The following SH3GL3 variants were observed in gnomAD, a reference collection of about 807,000 sequenced individuals.
SH3GL3 encodes the protein SH3 domain containing GRB2 like 3, endophilin A3.
A neutral mutation model predicts 47.7 loss-of-function variants in SH3GL3; 33 were observed. The ratio of observed to expected loss-of-function variants is 0.69; its 90% CI spans 0.52 to 0.92. The LOEUF (loss-of-function observed/expected upper bound fraction) is 0.92, where lower values mean the gene tolerates loss of function less well. Ranked by LOEUF, SH3GL3 falls within the 40% of genes least tolerant of loss-of-function variation. The pLI, the probability that SH3GL3 is intolerant of heterozygous loss-of-function variation, is 0.00. For synonymous variants in SH3GL3, 155 were observed against 148.8 expected, an observed-to-expected ratio of 1.04 and a Z score of -0.30; for missense variants, 363 against 417.8, an observed-to-expected ratio of 0.87 and a Z score of 1.14.
In SH3GL3 at chr15:83,576,921, A is replaced by ATTTTTTTTTTTTTTTTTTTT. The variant is rs71156087; in HGVS notation, c.624+194_624+195insTTTTTTTTTTTTTTTTTTTT. ...TGATGAGCTTAAAAAAAAAATCATA[A>ATTTTTTTTTTTTTTTTTTTT]TTTTTTTTTTTTTTGAGACGCTGTC... On this transcript the variant is annotated intron_variant, in intron 6 of 8. Coordinates refer to ENST00000427482, the MANE Select transcript of SH3GL3 (RefSeq NM_003027.5). 4.2e-4 allele frequency among the ~76,000 whole-genome samples: 36 copies of ATTTTTTTTTTTTTTTTTTTT among 86,554 alleles called. 2 individuals are homozygous for ATTTTTTTTTTTTTTTTTTTT. Among genetic ancestry groups the ATTTTTTTTTTTTTTTTTTTT allele is most frequent in the Non-Finnish European group, 4.3e-4 (20 of 46,454 alleles). The allele number at this position is 86,554 out of a possible 152,430, so 56.8% of individuals were successfully genotyped here.
intron 1 of SH3GL3, among the ~76,000 whole-genome samples, chr15:83,467,859 T>G (rs933332028): frequency 2.0e-5 from 3 of 152,260 alleles, no homozygotes; most frequent in East Asian, 3.9e-4. Context: ...ACGGAGTCTC[T>G]CTCTGTCACC....
At chr15:83,495,676 G>A (rs1010126346) in intron 1 of SH3GL3, among the ~76,000 whole-genome samples, 3 of 152,132 alleles carry the variant, frequency 2.0e-5, no homozygotes, top group Non-Finnish European at 4.4e-5. Context: ...GGCGGAGGTT[G>A]CAGTGAGCCA....
chr15:83,591,719 T>A (rs1445355137), intron 8 of SH3GL3, among the ~76,000 whole-genome samples: 8 of 152,222 alleles, frequency 5.3e-5, no homozygotes, highest in African/African-American at 1.4e-4. Flanking sequence ...AAAGTCTTGC[T>A]CTGTCACCCA....
intron 1 of SH3GL3, among the ~76,000 whole-genome samples, chr15:83,514,182 C>T (rs891868048): frequency 1.3e-5 from 2 of 152,166 alleles, no homozygotes; most frequent in South Asian, 2.1e-4. Flanking sequence ...TGAGATGTGA[C>T]ACTCCCCACT....
chr15:83,602,934 T>C (rs1217986803), intron 8 of SH3GL3, among the ~76,000 whole-genome samples: 2 of 152,214 alleles, frequency 1.3e-5, no homozygotes, highest in Admixed American at 1.3e-4. Context: ...CTCAGGGACC[T>C]TGTGGGTTCC....
At chr15:83,523,947 TAAAAAA>T (rs3078535) in intron 1 of SH3GL3, among the ~76,000 whole-genome samples, 4 of 131,894 alleles carry the variant, frequency 3.0e-5, no homozygotes, top group Non-Finnish European at 3.2e-5. Flanking sequence ...TTCAGCAATC[TAAAAAA>T]AAAAAAAAAA....
chr15:83,508,047 T>G (rs1186913802), intron 1 of SH3GL3, among the ~76,000 whole-genome samples: 1 of 151,900 alleles, frequency 6.6e-6, no homozygotes, highest in Non-Finnish European at 1.5e-5. Flanking sequence ...GTTCAAGGGA[T>G]TCTCCTGCCT....
chr15:83,458,755 T>A (rs2040124377), intron 1 of SH3GL3, among the ~76,000 whole-genome samples: 1 of 152,220 alleles, frequency 6.6e-6, no homozygotes, highest in Non-Finnish European at 1.5e-5. Context: ...CTCAGGGACT[T>A]TGCTCTTGTT....
chr15:83,578,744 C>G (rs1472690297), intron 6 of SH3GL3, among the ~76,000 whole-genome samples: 1 of 150,966 alleles, frequency 6.6e-6, no homozygotes, highest in Non-Finnish European at 1.5e-5. Flanking sequence ...GTATAAATTT[C>G]CTCTTGAAAT....
intron 4 of SH3GL3, among the ~76,000 whole-genome samples, chr15:83,571,284 C>T (rs571214627): frequency 2.0e-4 from 31 of 152,304 alleles, no homozygotes; most frequent in African/African-American, 7.2e-4. Context: ...ATGTTTCTGT[C>T]AAGGCGAAAT....
chr15:83,554,581 T>TTTCA (rs746868538), intron 1 of SH3GL3, among the ~76,000 whole-genome samples: 9 of 152,174 alleles, frequency 5.9e-5, no homozygotes, highest in Non-Finnish European at 8.8e-5. Context: ...AGAGACAGGG[T>TTTCA]TTCACCATGT....
At position 83,447,493 on chromosome 15, in the gene SH3GL3, C is replaced by T. The variant is rs2039492476; in HGVS notation, c.-41C>T. Reference sequence around the variant, plus strand: ...GCGCGTCGCGGCCGCGTGGCCCAGCCGAGCCTTGAGACCACCCCGCCCCTG... The same window carrying T: ...GCGCGTCGCGGCCGCGTGGCCCAGCTGAGCCTTGAGACCACCCCGCCCCTG... On this transcript the variant is annotated 5_prime_UTR_variant, in exon 1 of 9. Transcript: ENST00000427482. The surrounding 1 kb of genome is among the most constrained non-coding windows in gnomAD (Gnocchi z 5.1). The T allele has an allele frequency of 2.0e-6, 3 of 1,476,448 alleles. No homozygotes were observed. The highest frequency in any genetic ancestry group is 2.7e-6 in the Non-Finnish European group (3 of 1,109,668). The allele number at this position is 1,476,448 out of a possible 1,614,324, so 91.5% of individuals were successfully genotyped here.
intron 8 of SH3GL3, among the ~76,000 whole-genome samples, chr15:83,613,002 GT>G (rs1164393668): frequency 6.6e-6 from 1 of 152,202 alleles, no homozygotes; most frequent in Non-Finnish European, 1.5e-5. Flanking sequence ...TCATGTCTGG[GT>G]TCCACCCTCC....
chr15:83,496,217 C>T (rs965174848), intron 1 of SH3GL3, among the ~76,000 whole-genome samples: 1 of 151,442 alleles, frequency 6.6e-6, no homozygotes, highest in Non-Finnish European at 1.5e-5. Flanking sequence ...ATTAGCCAGG[C>T]GTGGTGGTGC....
At chr15:83,474,512 G>T (rs2041002196) in intron 1 of SH3GL3, among the ~76,000 whole-genome samples, 1 of 151,856 alleles carries the variant, frequency 6.6e-6, no homozygotes, top group Non-Finnish European at 1.5e-5. Context: ...CAAATGGCTG[G>T]CACTTTTTTT....
At chr15:83,592,750 C>T (rs2060140965) in intron 8 of SH3GL3, among the ~76,000 whole-genome samples, 1 of 152,174 alleles carries the variant, frequency 6.6e-6, no homozygotes, top group Non-Finnish European at 1.5e-5. Flanking sequence ...ATCCTGCCTC[C>T]TCCACACTCT....
At chr15:83,602,997 C>T (rs2060425820) in intron 8 of SH3GL3, among the ~76,000 whole-genome samples, 1 of 152,034 alleles carries the variant, frequency 6.6e-6, no homozygotes, top group Admixed American at 6.6e-5. Context: ...CTTCTTTTCA[C>T]AACTTGATTT....
At position 83,568,620 on chromosome 15, in the gene SH3GL3, G is replaced by T. The variant is rs1178990873; in HGVS notation, c.279G>T (p.Leu93=). 3 of 1,613,600 alleles carry T rather than the reference G, an allele frequency of 1.9e-6. No homozygotes were observed. Among genetic ancestry groups the T allele is most frequent in the Admixed American group, 3.3e-5 (2 of 60,002 alleles). ...GATACCCGCAGACGGAAGGCTTGCT[G>T]GGGGACTGTATGCTGAAATACGGGA... ...TTGYPQTEGL[L]GDCMLKYGKE... Residue 93 remains leucine, a synonymous_variant, in exon 4 of 9, where the codon CTG becomes CTT. Coordinates refer to ENST00000427482, the MANE Select transcript of SH3GL3 (RefSeq NM_003027.5).
intron 1 of SH3GL3, among the ~76,000 whole-genome samples, chr15:83,507,706 C>T (rs2042572449): frequency 6.6e-6 from 1 of 151,886 alleles, no homozygotes. Flanking sequence ...TGAGCCACCG[C>T]GCCTGGCCTC....
Sources: gnomAD v4.1 joint callset for allele counts (sites outside exome capture counted in the v4.1 genomes callset) on GRCh38, gnomAD v4.1.1 for gene constraint, Gnocchi (gnomAD v3.1) non-coding constraint, MANE v1.5 for transcripts, NCBI Gene and HGNC (gene_info 2026-07-23, HGNC 2026-07-21) for gene names.